Variants in TSTD2 observed in about 807,000 individuals in gnomAD.
TSTD2 encodes thiosulfate sulfurtransferase/rhodanese-like domain-containing protein 2.
In TSTD2, 37 loss-of-function variants were observed where a neutral mutation model predicts 47.9. The ratio of observed to expected loss-of-function variants is 0.77; its 90% CI spans 0.59 to 1.02. The LOEUF (loss-of-function observed/expected upper bound fraction) is 1.02, where lower values mean the gene tolerates loss of function less well. Ranked by LOEUF, TSTD2 falls within the 50% of genes least tolerant of loss-of-function variation. TSTD2 has a pLI of 0.00. For missense variants in TSTD2, 586 were observed against 616.0 expected (o/e 0.95, Z 0.52); for synonymous variants, 201 against 215.9 (o/e 0.93, Z 0.61).
At chr9:97,611,235 A>G (rs1255732787) in intron 5 of TSTD2, 1 of 185,926 alleles carries the variant, frequency 5.4e-6, no homozygotes, top group African/African-American at 2.3e-5. Flanking sequence ...CAAGAGTTCC[A>G]TACCAGCCTG....
In TSTD2 at chr9:97,602,514, T is replaced by C; in HGVS notation, c.1506A>G (p.Pro502=). Residue 502 remains proline, a synonymous_variant, in exon 10 of 10, where the codon CCA becomes CCG. Coordinates refer to ENST00000341170, the MANE Select transcript of TSTD2 (RefSeq NM_139246.5). ...LLQHVRQPVS[P]EPGPDADEDG... ...CCTCATCAGCATCAGGCCCTGGCTCTGGGCTCACAGGCTGTCGCACATGCT... is the reference window on the plus strand; with the variant it reads ...CCTCATCAGCATCAGGCCCTGGCTCCGGGCTCACAGGCTGTCGCACATGCT... The C allele has an allele frequency of 1.2e-6, 2 of 1,613,938 alleles. No homozygotes were observed. Among genetic ancestry groups the C allele is most frequent in the South Asian group, 2.2e-5 (2 of 91,018 alleles).
At chr9:97,622,013 C>G (rs1260850646) in intron 3 of TSTD2, among the ~76,000 whole-genome samples, 1 of 152,228 alleles carries the variant, frequency 6.6e-6, no homozygotes, top group East Asian at 1.9e-4. Context: ...GGACACCTAG[C>G]TGTAAAATTT....
At chr9:97,628,131 T>C (rs1264942414) in intron 1 of TSTD2, among the ~76,000 whole-genome samples, 1 of 152,264 alleles carries the variant, frequency 6.6e-6, no homozygotes. Flanking sequence ...AAACACTTTC[T>C]TCTTTTTGCC....
In TSTD2 at chr9:97,600,642, T is replaced by G; in HGVS notation, c.*1827A>C. The G allele has an allele frequency of 1.0e-6, 1 of 989,954 alleles. No individual in the cohort carries two copies. Among genetic ancestry groups the G allele is most frequent in the Non-Finnish European group, 1.2e-6 (1 of 832,808 alleles). The allele number at this position is 989,954 out of a possible 1,614,324, so 61.3% of individuals were successfully genotyped here. On this transcript the variant is annotated 3_prime_UTR_variant, in exon 10 of 10. Coordinates refer to ENST00000341170, the MANE Select transcript of TSTD2 (RefSeq NM_139246.5). Reference sequence around the variant, plus strand: ...CCAGCTTAGAGACTTCAGCTACTGATCTCATCACTTATTAGACAAATTGCT... The same window carrying G: ...CCAGCTTAGAGACTTCAGCTACTGAGCTCATCACTTATTAGACAAATTGCT...
Position 97,601,578 on chromosome 9 carries a change from C to T in TSTD2, c.*891G>A, listed in dbSNP as rs1388024602. 1 of 987,634 alleles carries T rather than the reference C, an allele frequency of 1.0e-6. No homozygotes were observed. Among genetic ancestry groups the T allele is most frequent in the Non-Finnish European group, 1.2e-6 (1 of 831,476 alleles). The allele number at this position is 987,634 out of a possible 1,614,324, so 61.2% of individuals were successfully genotyped here. The stretch of plus-strand genomic sequence containing the variant: ...ACCTCTGCCTCTATCAGATGAGCTG[C>T]TGGTCTAGATCAGGGGCTGGCAAAC... On this transcript the variant is annotated 3_prime_UTR_variant, in exon 10 of 10. Transcript: ENST00000341170.
chr9:97,600,530 T>C lies in TSTD2; in HGVS notation c.*1939A>G, dbSNP rs376273233. 51 of 985,956 alleles carry C rather than the reference T, an allele frequency of 5.2e-5. No homozygotes were observed. In the South Asian group the frequency reaches 1.9e-3, roughly 37 times the overall value. 61.1% of individuals were successfully genotyped at this position (985,956 alleles called of 1,614,324 possible). On this transcript the variant is annotated 3_prime_UTR_variant, in exon 10 of 10. Coordinates refer to ENST00000341170, the MANE Select transcript of TSTD2 (RefSeq NM_139246.5). Reference sequence around the variant, plus strand: ...ATACTTTTGAAAACACCTTTCTATATTGCACAGTGGGCAAATGGCTTATGT... The same window carrying C: ...ATACTTTTGAAAACACCTTTCTATACTGCACAGTGGGCAAATGGCTTATGT...
intron 3 of TSTD2, among the ~76,000 whole-genome samples, chr9:97,622,037 T>C (rs1157219817): frequency 6.6e-6 from 1 of 152,116 alleles, no homozygotes; most frequent in Non-Finnish European, 1.5e-5. Flanking sequence ...TGTTTTGTAC[T>C]CTTTCTCTTT....
chr9:97,622,059 C>T (rs901648540), intron 3 of TSTD2, among the ~76,000 whole-genome samples: 6 of 151,898 alleles, frequency 4.0e-5, no homozygotes, highest in Non-Finnish European at 5.9e-5. Context: ...TTTCTCAGGC[C>T]GGCCAACACT....
At chr9:97,629,389 G>A (rs570666273) in intron 1 of TSTD2, among the ~76,000 whole-genome samples, 2 of 152,320 alleles carry the variant, frequency 1.3e-5, no homozygotes, top group South Asian at 4.1e-4. Flanking sequence ...CATAAATTAA[G>A]ATGTCACTTG....
Position 97,601,595 on chromosome 9 carries a change from C to T in TSTD2, c.*874G>A, listed in dbSNP as rs1826261214. On this transcript the variant is annotated 3_prime_UTR_variant, in exon 10 of 10. Transcript: ENST00000341170. ...ATGAGCTGCTGGTCTAGATCAGGGG[C>T]TGGCAAACTTTTCTGTAAAAGGCCA... The T allele has an allele frequency of 1.0e-6, 1 of 987,178 alleles. No individual in the cohort carries two copies. Among genetic ancestry groups the T allele is most frequent in the Non-Finnish European group, 1.2e-6 (1 of 831,202 alleles). The allele number at this position is 987,178 out of a possible 1,614,324, so 61.2% of individuals were successfully genotyped here.
Position 97,627,525 on chromosome 9 carries a change from A to G in TSTD2, c.38T>C (p.Leu13Pro). The change falls in exon 2 of 10, where the codon CTG becomes CCG. Residue 13 changes from leucine (L) to proline (P), a missense_variant. Leu to Pro is a moderately conservative substitution (Grantham distance 98). Coordinates refer to ENST00000341170, the MANE Select transcript of TSTD2 (RefSeq NM_139246.5). ...SSTSPDQGDD[L>P]ENCILRFSDL... ...AGAAAATCTTAAAATGCAGTTCTCC[A>G]GGTCATCTCCTTGGTCTGGTGAAGT... The G allele has an allele frequency of 6.2e-7, 1 of 1,612,884 alleles. No individual in the cohort carries two copies. The highest frequency in any genetic ancestry group is 8.5e-7 in the Non-Finnish European group (1 of 1,179,146).
At chr9:97,612,815 C>T (rs1175925264) in intron 4 of TSTD2, among the ~76,000 whole-genome samples, 1 of 152,240 alleles carries the variant, frequency 6.6e-6, no homozygotes, top group Admixed American at 6.5e-5. Flanking sequence ...CTTGGCCTCC[C>T]AAAGTGCTGG....
chr9:97,625,564 C>T (rs1368334586), intron 3 of TSTD2, 117 bp downstream of exon 3: 2 of 980,218 alleles, frequency 2.0e-6, no homozygotes, highest in Non-Finnish European at 3.0e-6. Context: ...ATCCTCATTT[C>T]ACATTTGACA....
At chr9:97,628,514 G>T (rs1489690123) in intron 1 of TSTD2, among the ~76,000 whole-genome samples, 2 of 151,986 alleles carry the variant, frequency 1.3e-5, no homozygotes, top group African/African-American at 4.8e-5. Flanking sequence ...ATAGTGTCTG[G>T]CACAAACTAG....
intron 4 of TSTD2, among the ~76,000 whole-genome samples, chr9:97,613,285 A>G (rs536383768): frequency 2.6e-5 from 4 of 152,346 alleles, no homozygotes; most frequent in Admixed American, 2.0e-4. Flanking sequence ...TTTGGAGGAC[A>G]GCCTACCACT....
intron 5 of TSTD2, 24 bp downstream of exon 5, chr9:97,611,550 C>T: frequency 6.3e-7 from 1 of 1,577,378 alleles, no homozygotes; most frequent in South Asian, 1.1e-5. Context: ...GCTCTAGATC[C>T]ATTTAATTTT....
intron 3 of TSTD2, among the ~76,000 whole-genome samples, chr9:97,624,656 C>A (rs1196390982): frequency 2.6e-5 from 4 of 151,864 alleles, no homozygotes; most frequent in Non-Finnish European, 5.9e-5. Context: ...GGCATTAAAG[C>A]ACTCACAAAA....
chr9:97,627,174 A>G, intron 2 of TSTD2: 2 of 746,090 alleles, frequency 2.7e-6, no homozygotes, highest in Non-Finnish European at 3.5e-6. Context: ...AATGAAATCT[A>G]ATCCATCTGT....
intron 9 of TSTD2, 36 bp from the exon 10 acceptor site, chr9:97,602,803 T>TA: frequency 6.4e-7 from 1 of 1,566,478 alleles, no homozygotes. Context: ...TATAAACACA[T>TA]ACATTCACAC....
Sources: gnomAD v4.1 joint callset for allele counts (sites outside exome capture counted in the v4.1 genomes callset) on GRCh38, gnomAD v4.1.1 for gene constraint, MANE v1.5 for transcripts, NCBI Gene and HGNC (gene_info 2026-07-23, HGNC 2026-07-21) for gene names.